HSPA12A: variants seen among roughly 807,000 people sequenced by gnomAD.
HSPA12A encodes heat shock 70 kDa protein 12A.
A neutral mutation model predicts 69.2 loss-of-function variants in HSPA12A; 28 were observed. The ratio of observed to expected loss-of-function variants is 0.40; its 90% CI spans 0.30 to 0.55. The LOEUF is 0.55. HSPA12A is among the 20% of genes least tolerant of loss of function. The pLI is 0.38. For synonymous variants in HSPA12A, 345 were observed against 370.5 expected, an observed-to-expected ratio of 0.93 and a Z score of 0.79; for missense variants, 686 against 900.7, an observed-to-expected ratio of 0.76 and a Z score of 3.05.
intron 2 of HSPA12A, among the ~76,000 whole-genome samples, chr10:116,705,893 CTTTTT>C (rs369606540): frequency 1.7e-5 from 2 of 115,618 alleles, no homozygotes; most frequent in Non-Finnish European, 1.7e-5. Context: ...TCTCTCTCTC[CTTTTT>C]TTTTTTTTTT....
chr10:116,817,598 C>T (rs1589723798), intron 2 of HSPA12A, among the ~76,000 whole-genome samples: 1 of 152,106 alleles, frequency 6.6e-6, no homozygotes, highest in Non-Finnish European at 1.5e-5. Context: ...TGTGCTCCAC[C>T]ACCATAGCGA....
At chr10:116,803,332 G>A (rs1844998965) in intron 2 of HSPA12A, among the ~76,000 whole-genome samples, 1 of 152,224 alleles carries the variant, frequency 6.6e-6, no homozygotes, top group Admixed American at 6.5e-5. Flanking sequence ...GCTCACAGGG[G>A]CCACGCAGAG....
At chr10:116,748,555 AC>A (rs1209892146) in intron 2 of HSPA12A, among the ~76,000 whole-genome samples, 3 of 152,162 alleles carry the variant, frequency 2.0e-5, no homozygotes, top group Non-Finnish European at 2.9e-5. Context: ...CCATTTTCAC[AC>A]TGCTGACAAA....
intron 6 of HSPA12A, among the ~76,000 whole-genome samples, chr10:116,687,864 C>T (rs2921966): frequency 0.52 from 79,380 of 152,148 alleles, 21,140 homozygotes; most frequent in Middle Eastern, 0.65. Context: ...TAACATATTC[C>T]GTCTCCAGTC....
At chr10:116,818,247 C>A (rs1370830680) in intron 2 of HSPA12A, among the ~76,000 whole-genome samples, 1 of 152,222 alleles carries the variant, frequency 6.6e-6, no homozygotes, top group African/African-American at 2.4e-5. Flanking sequence ...CAGGGACCTA[C>A]GAGCCTTGGT....
intron 2 of HSPA12A, among the ~76,000 whole-genome samples, chr10:116,750,998 G>A (rs1168973634): frequency 1.3e-5 from 2 of 151,442 alleles, no homozygotes; most frequent in Non-Finnish European, 2.9e-5. Flanking sequence ...CGAGGAGGAA[G>A]AGGAAGAACA....
rs1850856073 is a variant in HSPA12A at position 116,723,681 on chromosome 10, C to T, written c.41-16396G>A. Among the ~76,000 whole-genome samples the T allele has an allele frequency of 6.6e-6, 1 of 152,218 alleles. No homozygotes were observed. Among genetic ancestry groups the T allele is most frequent in the Non-Finnish European group, 1.5e-5 (1 of 68,030 alleles). ...ACATTCATTCCTGAGACCCACTGCGCACACGTGCTGAGGTTTTAAAACTGA... is the reference window on the plus strand; with the variant it reads ...ACATTCATTCCTGAGACCCACTGCGTACACGTGCTGAGGTTTTAAAACTGA... On this transcript the variant is annotated intron_variant, in intron 1 of 11. Coordinates refer to ENST00000369209, the MANE Select transcript of HSPA12A (RefSeq NM_025015.3). The surrounding 1 kb of genome is among the most constrained non-coding windows in gnomAD (Gnocchi z 4.1).
In HSPA12A at chr10:116,772,901, T is replaced by A. The variant is rs552769738; in HGVS notation, c.91+62034A>T. On this transcript the variant is annotated intron_variant, in intron 2 of 12. Transcript: ENST00000635765. ...ATTATTTGTAAAGACAGAGTCTCAC[T>A]ATGCTGCCTAGGCTGGTCTTGAACT... Among the ~76,000 whole-genome samples, 12 of 152,122 alleles carry A rather than the reference T, an allele frequency of 7.9e-5. No individual in the cohort carries two copies. The East Asian group carries it at 2.1e-3, about 27-fold the overall frequency.
At chr10:116,812,992 C>T (rs750069722) in intron 2 of HSPA12A, among the ~76,000 whole-genome samples, 21 of 152,120 alleles carry the variant, frequency 1.4e-4, no homozygotes, top group Non-Finnish European at 1.8e-4. Flanking sequence ...GAAGCTAAGA[C>T]GTTAAGCAGG....
chr10:116,705,739 T>C (rs1231451953), intron 2 of HSPA12A, among the ~76,000 whole-genome samples: 1 of 152,188 alleles, frequency 6.6e-6, no homozygotes, highest in African/African-American at 2.4e-5. Context: ...TGTGCTGGCA[T>C]TTCATGCATG....
chr10:116,728,441 C>T (rs1851046944), intron 1 of HSPA12A, among the ~76,000 whole-genome samples: 1 of 152,198 alleles, frequency 6.6e-6, no homozygotes, highest in Non-Finnish European at 1.5e-5. Flanking sequence ...ACCACAAGGG[C>T]ACAATATCAG....
At chr10:116,787,018 G>GCA (rs1491014993) in intron 2 of HSPA12A, among the ~76,000 whole-genome samples, 76 of 135,762 alleles carry the variant, frequency 5.6e-4, no homozygotes, top group African/African-American at 2.0e-3. Flanking sequence ...ATACACACAC[G>GCA]CACGCACTCA....
intron 1 of HSPA12A, chr10:116,849,425 G>C (rs553138860): frequency 9.1e-6 from 11 of 1,204,934 alleles, no homozygotes; most frequent in African/African-American, 6.3e-5. Context: ...CAATAAAAGG[G>C]AACGACTTTT....
At chr10:116,790,170 C>T (rs1477976527) in intron 2 of HSPA12A, among the ~76,000 whole-genome samples, 2 of 142,218 alleles carry the variant, frequency 1.4e-5, no homozygotes, top group Non-Finnish European at 1.5e-5. Context: ...GGCGGGATCT[C>T]GGCTCACTGC....
chr10:116,717,434 G>C (rs1554883908), intron 1 of HSPA12A, among the ~76,000 whole-genome samples: 1 of 152,148 alleles, frequency 6.6e-6, no homozygotes, highest in Non-Finnish European at 1.5e-5. Flanking sequence ...TCTTTGGTCT[G>C]CAAAGCTCTA....
At chr10:116,697,457 G>A (rs1849942658) in intron 5 of HSPA12A, among the ~76,000 whole-genome samples, 1 of 150,386 alleles carries the variant, frequency 6.6e-6, no homozygotes, top group Non-Finnish European at 1.5e-5. Context: ...GATAGAGGAG[G>A]AGGGGGAGGA....
chr10:116,698,059 T>C (rs1299038589), intron 5 of HSPA12A: 1 of 104,622 alleles, frequency 9.6e-6, no homozygotes, highest in Non-Finnish European at 2.3e-5. Flanking sequence ...ACATTTTGTT[T>C]CTGGCTGAAT....
chr10:116,794,609 T>A (rs1564821942), intron 2 of HSPA12A, among the ~76,000 whole-genome samples: 1 of 152,140 alleles, frequency 6.6e-6, no homozygotes, highest in Non-Finnish European at 1.5e-5. Flanking sequence ...GGTCAGAAGT[T>A]CGAGACCAGC....
chr10:116,839,604 TAAAAAAAAAA>T (rs59427633), intron 1 of HSPA12A, among the ~76,000 whole-genome samples: 1 of 59,134 alleles, frequency 1.7e-5, no homozygotes, highest in Non-Finnish European at 3.2e-5. Context: ...ATGCCTACCG[TAAAAAAAAAA>T]AAAAAAAAAA....
Sources: allele counts gnomAD v4.1 joint callset (sites outside exome capture counted in the v4.1 genomes callset), GRCh38; gene constraint gnomAD v4.1.1; non-coding constraint Gnocchi (gnomAD v3.1); transcripts MANE v1.5; gene names NCBI Gene and HGNC (gene_info 2026-07-23, HGNC 2026-07-21).